GRIK2: variants seen among roughly 807,000 people sequenced by gnomAD.
GRIK2 encodes glutamate receptor ionotropic, kainate 2.
In GRIK2, 32 loss-of-function variants were observed where a neutral mutation model predicts 100.3. The observed-to-expected ratio is 0.32, with a 90% CI of 0.24 to 0.43. The LOEUF is 0.43. GRIK2 is among the 20% of genes least tolerant of loss of function. The pLI is 1.00. For synonymous variants in GRIK2, 417 were observed against 389.4 expected, an observed-to-expected ratio of 1.07 and a Z score of -0.83; for missense variants, 843 against 1,114.9, an observed-to-expected ratio of 0.76 and a Z score of 3.47.
At chr6:101,529,196 T>C (rs1775299434) in intron 2 of GRIK2, among the ~76,000 whole-genome samples, 1 of 152,246 alleles carries the variant, frequency 6.6e-6, no homozygotes, top group South Asian at 2.1e-4. Flanking sequence ...AAACTCAAAA[T>C]ATAGTTTACA....
intron 16 of GRIK2, among the ~76,000 whole-genome samples, chr6:102,067,226 C>G (rs562443093): frequency 1.3e-5 from 2 of 151,652 alleles, no homozygotes; most frequent in Non-Finnish European, 3.0e-5. Flanking sequence ...TTAGCAAATG[C>G]ATTACCTCAC....
At chr6:101,664,087 T>C (rs1321195726) in intron 4 of GRIK2, among the ~76,000 whole-genome samples, 1 of 152,216 alleles carries the variant, frequency 6.6e-6, no homozygotes, top group African/African-American at 2.4e-5. Context: ...CAACCATGCC[T>C]GGAGTTTATT....
Position 101,553,601 on chromosome 6 carries a change from G to T in GRIK2, c.116-68348G>T, listed in dbSNP as rs183683792. Among the ~76,000 whole-genome samples the T allele has an allele frequency of 2.0e-5, 3 of 152,180 alleles. No homozygotes were observed. In the East Asian group the frequency reaches 5.8e-4, roughly 29 times the overall value. ...GGGAGTTTAAACCCAACTGTAATTT[G>T]GTTACTAGATAGAGGCATTGACTTA... On this transcript the variant is annotated intron_variant, in intron 2 of 16. Coordinates refer to ENST00000369134, the MANE Select transcript of GRIK2 (RefSeq NM_021956.5).
At chr6:101,740,097 T>C (rs1021717773) in intron 7 of GRIK2, among the ~76,000 whole-genome samples, 1 of 152,220 alleles carries the variant, frequency 6.6e-6, no homozygotes, top group African/African-American at 2.4e-5. Flanking sequence ...AATTCATGTT[T>C]GACTCAAAGT....
chr6:101,889,223 GTTA>G (rs1020205421), intron 11 of GRIK2, among the ~76,000 whole-genome samples: 23 of 151,888 alleles, frequency 1.5e-4, no homozygotes, highest in African/African-American at 3.9e-4. Context: ...ATTTGATGTA[GTTA>G]TTATTACTAT....
intron 2 of GRIK2, among the ~76,000 whole-genome samples, chr6:101,600,948 C>T (rs1216743173): frequency 6.6e-6 from 1 of 151,418 alleles, no homozygotes; most frequent in Admixed American, 6.6e-5. Flanking sequence ...CTGGCCTAGC[C>T]ACAGCCAGCA....
intron 16 of GRIK2, among the ~76,000 whole-genome samples, chr6:102,067,866 GCTAT>G (rs1772094652): frequency 1.3e-5 from 2 of 151,926 alleles, no homozygotes; most frequent in African/African-American, 2.4e-5. Flanking sequence ...CTGTGTGAGT[GCTAT>G]CTTTGTTTTG....
intron 14 of GRIK2, among the ~76,000 whole-genome samples, chr6:101,996,672 G>A (rs1794666935): frequency 6.6e-6 from 1 of 152,084 alleles, no homozygotes; most frequent in Admixed American, 6.6e-5. Flanking sequence ...ATCTGCTTAT[G>A]TCTTAATCTG....
intron 1 of GRIK2, among the ~76,000 whole-genome samples, chr6:101,394,769 G>A (rs1774938632): frequency 6.6e-6 from 1 of 152,026 alleles, no homozygotes. Flanking sequence ...GTCTATTCCT[G>A]TAACCACCAA....
In GRIK2 at chr6:101,433,776, C is replaced by A. The variant is rs146504735; in HGVS notation, c.115+34384C>A. 2.7e-3 allele frequency among the ~76,000 whole-genome samples: 409 copies of A among 152,126 alleles called. 3 individuals carry two copies. The highest frequency in any genetic ancestry group is 9.4e-3 in the African/African-American group (390 of 41,518). On this transcript the variant is annotated intron_variant, in intron 2 of 16. Coordinates refer to ENST00000369134, the MANE Select transcript of GRIK2 (RefSeq NM_021956.5). ...TTTTTAGTCTGAATCTAGAAGTGAA[C>A]GGTTTGATTAAAAGAGAAAACTCTA...
chr6:102,054,349 T>G (rs954181986), intron 15 of GRIK2, among the ~76,000 whole-genome samples: 2 of 152,128 alleles, frequency 1.3e-5, no homozygotes, highest in African/African-American at 4.8e-5. Flanking sequence ...TTAATATTTT[T>G]CTGGAAGCAG....
intron 14 of GRIK2, among the ~76,000 whole-genome samples, chr6:101,950,508 C>A (rs1353732119): frequency 2.0e-5 from 3 of 152,012 alleles, no homozygotes; most frequent in Non-Finnish European, 4.4e-5. Flanking sequence ...GGACTCTTAC[C>A]CTCAGGACCT....
intron 7 of GRIK2, among the ~76,000 whole-genome samples, chr6:101,784,253 G>T (rs1003310589): frequency 3.3e-5 from 5 of 152,222 alleles, no homozygotes; most frequent in African/African-American, 4.8e-5. Flanking sequence ...TTGGGACTTG[G>T]TGCCCTATGT....
intron 7 of GRIK2, among the ~76,000 whole-genome samples, chr6:101,714,915 TTATAA>T (rs1336067828): frequency 6.6e-6 from 1 of 151,750 alleles, no homozygotes; most frequent in South Asian, 2.1e-4. Context: ...TAAATGATAA[TTATAA>T]TATAAACAAA....
intron 14 of GRIK2, among the ~76,000 whole-genome samples, chr6:101,997,496 T>A (rs989745403): frequency 6.6e-6 from 1 of 152,062 alleles, no homozygotes; most frequent in African/African-American, 2.4e-5. Context: ...TTGTTTCTAA[T>A]CCACAAGTTT....
intron 7 of GRIK2, among the ~76,000 whole-genome samples, chr6:101,699,975 C>T (rs1037665033): frequency 6.6e-6 from 1 of 151,890 alleles, no homozygotes; most frequent in Admixed American, 6.6e-5. Flanking sequence ...ACTGAGACTC[C>T]GTTTCTACAA....
At chr6:101,917,360 G>T (rs984593026) in intron 12 of GRIK2, among the ~76,000 whole-genome samples, 3 of 151,652 alleles carry the variant, frequency 2.0e-5, no homozygotes, top group Non-Finnish European at 4.4e-5. Flanking sequence ...CACCAAACTG[G>T]CCTGATCACC....
rs9498831 is a variant in GRIK2 at position 102,063,479 on chromosome 6, T to C, written c.2563-4868T>C. On this transcript the variant is annotated intron_variant, in intron 16 of 16. Transcript: ENST00000369134. ...TCAGATACTGTTTTTCAAAAATAAG[T>C]ATATTGCTAAACATAATGGTTTTAA... is the stretch of plus-strand genomic sequence containing the variant. Among the ~76,000 whole-genome samples, 857 of 150,882 alleles carry C rather than the reference T, an allele frequency of 5.7e-3. 11 individuals carry two copies. Among genetic ancestry groups the C allele is most frequent in the African/African-American group, 0.02 (818 of 41,426 alleles).
intron 4 of GRIK2, among the ~76,000 whole-genome samples, chr6:101,645,633 G>A (rs953557721): frequency 2.0e-5 from 3 of 151,864 alleles, no homozygotes; most frequent in African/African-American, 7.2e-5. Context: ...CCTTAAGCAA[G>A]TGTATGCCAT....
Sources: gnomAD v4.1 joint callset for allele counts (sites outside exome capture counted in the v4.1 genomes callset) on GRCh38, gnomAD v4.1.1 for gene constraint, MANE v1.5 for transcripts, NCBI Gene and HGNC (gene_info 2026-07-23, HGNC 2026-07-21) for gene names.